Variants in DCLRE1A observed in about 807,000 individuals in gnomAD.
DCLRE1A encodes the protein DNA cross-link repair 1A, also known as DNA cross-link repair 1A protein.
DCLRE1A carries 64 observed loss-of-function variants against 91.9 expected under a neutral mutation model. The ratio of observed to expected loss-of-function variants is 0.70; its 90% CI spans 0.57 to 0.86. The LOEUF is 0.86. DCLRE1A is among the 40% of genes least tolerant of loss of function. The pLI is 0.00. For missense variants in DCLRE1A, 1,145 were observed against 1,213.3 expected (o/e 0.94, Z 0.84); for synonymous variants, 416 against 431.1 (o/e 0.96, Z 0.43).
chr10:113,850,279 G>A lies in DCLRE1A; in HGVS notation c.826C>T (p.Arg276Cys), dbSNP rs775411239. 2.0e-5 allele frequency: 33 copies of A among 1,614,000 alleles called. No individual in the cohort carries two copies. In the African/African-American group the frequency reaches 4.0e-4, roughly 20 times the overall value. ...ENDKLVGVAL[R>C]LANNSEHINL... ...ATGTGTTCTGAGTTGTTTGCAAGAC[G>A]CAAAGCAACTCCCACTAGTTTGTCA... Residue 276 changes from arginine (R) to cysteine (C), a missense_variant, in exon 2 of 9, where the codon CGT becomes TGT. Coordinates refer to ENST00000361384, the MANE Select transcript of DCLRE1A (RefSeq NM_014881.5).
rs780668540 is a variant in DCLRE1A at position 113,850,388 on chromosome 10, C to T, written c.717G>A (p.Pro239=). The change falls in exon 2 of 9, where the codon CCG becomes CCA. Residue 239 remains proline (P), a synonymous_variant. Coordinates refer to ENST00000361384, the MANE Select transcript of DCLRE1A (RefSeq NM_014881.5). ...LLMTQYFKKS[P]SLTEASEKIS... ...TCTTTTCACTGGCTTCAGTCAGAGA[C>T]GGAGACTTTTTAAAATACTGTGTCA... is the stretch of plus-strand genomic sequence containing the variant. 1.8e-5 allele frequency: 29 copies of T among 1,614,078 alleles called. No individual in the cohort carries two copies. Among genetic ancestry groups the T allele is most frequent in the Middle Eastern group, 1.6e-4 (1 of 6,084 alleles).
chr10:113,844,185 G>T lies in DCLRE1A; in HGVS notation c.2438C>A (p.Thr813Lys), dbSNP rs772891563. 1.2e-6 allele frequency: 2 copies of T among 1,614,156 alleles called. No homozygotes were observed. The highest frequency in any genetic ancestry group is 4.5e-5 in the East Asian group (2 of 44,876). ...YLPNGTVILH[T>K]GDFRADPSME... ...GCTGGGATCTGCTCTGAAGTCTCCC[G>T]TGTGTAATATGACAGTACCATTAGG... Residue 813 changes from threonine to lysine, a missense_variant, in exon 5 of 9, where the codon ACG (threonine) becomes AAG (lysine). Thr to Lys is a moderately conservative substitution (Grantham distance 78). Transcript: ENST00000361384.
intron 8 of DCLRE1A, among the ~76,000 whole-genome samples, chr10:113,836,264 C>T (rs140829729): frequency 1.3e-4 from 20 of 152,140 alleles, no homozygotes; most frequent in African/African-American, 4.6e-4. Context: ...TACCTTATTG[C>T]GTGTATACTT....
chr10:113,843,019 T>C (rs1009425065), intron 5 of DCLRE1A, among the ~76,000 whole-genome samples: 7 of 114,660 alleles, frequency 6.1e-5, no homozygotes, highest in Non-Finnish European at 1.2e-4. Context: ...TATATGTACA[T>C]GTGTACACAC....
chr10:113,839,342 A>G (rs1407987747), intron 7 of DCLRE1A, among the ~76,000 whole-genome samples: 2 of 151,482 alleles, frequency 1.3e-5, no homozygotes, highest in South Asian at 2.1e-4. Flanking sequence ...AAAAAAAAAA[A>G]AAAAAAAAGA....
rs1156472274 is a variant in DCLRE1A, at chr10:113,852,872, G to A, written c.311C>T (p.Thr104Ile). The change falls in exon 1 of 9, where the codon ACT (threonine) becomes ATT (isoleucine). Residue 104 changes from threonine (T) to isoleucine (I), a missense_variant. Thr to Ile is a moderately conservative substitution (Grantham distance 89, BLOSUM62 -1). Transcript: ENST00000361384. The stretch of plus-strand genomic sequence containing the variant: ...TGGGGACACGTGTTGGCTTTTTTGA[G>A]TTCTACAGAGTTTTCCTGGAGTAGT... ...KETTPGKLCR[T>I]QKSQHVSPKI... 2 of 1,614,152 alleles carry A rather than the reference G, an allele frequency of 1.2e-6. No individual in the cohort carries two copies. The highest frequency in any genetic ancestry group is 1.3e-5 in the African/African-American group (1 of 75,030).
chr10:113,847,088 A>T, intron 3 of DCLRE1A, 114 bp downstream of exon 3: 1 of 1,079,170 alleles, frequency 9.3e-7, no homozygotes, highest in East Asian at 2.6e-5. Context: ...ATGTTTTCTC[A>T]TTTTTTTTCT....
chr10:113,841,594 C>T, intron 6 of DCLRE1A, 34 bp from the exon 7 acceptor site: 1 of 1,554,594 alleles, frequency 6.4e-7, no homozygotes, highest in Non-Finnish European at 8.6e-7. Context: ...AAATAGTAAA[C>T]TTACAGCTTG....
Position 113,852,901 on chromosome 10 carries a change from CTTGTCTTGGGTCTGCTG to C in DCLRE1A, c.265_281del (p.Gln89GlyfsTer9), listed in dbSNP as rs763746589. The C allele has an allele frequency of 1.5e-5, 24 of 1,613,976 alleles. No homozygotes were observed. The highest frequency in any genetic ancestry group is 3.4e-6 in the Non-Finnish European group (4 of 1,180,016). ...TACAGAGTTTTCCTGGAGTAGTTTC[CTTGTCTTGGGTCTGCTG>C]AATACCATCTCCACAACTTGAATTC... On this transcript the variant is annotated frameshift_variant, in exon 1 of 9. Coordinates refer to ENST00000361384, the MANE Select transcript of DCLRE1A (RefSeq NM_014881.5). LOFTEE classifies it high-confidence loss of function.
At chr10:113,839,766 A>C (rs1040233191) in intron 7 of DCLRE1A, among the ~76,000 whole-genome samples, 3 of 152,118 alleles carry the variant, frequency 2.0e-5, no homozygotes, top group Non-Finnish European at 2.9e-5. Flanking sequence ...AGCTTTTTCT[A>C]TCTCTCATCA....
intron 6 of DCLRE1A, 65 bp downstream of exon 6, chr10:113,842,278 C>A: frequency 7.6e-7 from 1 of 1,320,486 alleles, no homozygotes; most frequent in Admixed American, 2.1e-5. Context: ...ACTGAAAGGG[C>A]ATTATGCAAA....
Position 113,848,983 on chromosome 10 carries a change from G to A in DCLRE1A, c.2122C>T (p.Pro708Ser). The A allele has an allele frequency of 6.2e-7, 1 of 1,609,136 alleles. No homozygotes were observed. The highest frequency in any genetic ancestry group is 2.2e-5 in the East Asian group (1 of 44,838). Residue 708 changes from proline (P) to serine (S), a missense_variant, in exon 2 of 9, where the codon CCT becomes TCT. Transcript: ENST00000361384. ...KKTCPFYKKI[P>S]GTGFTVDAFQ... Reference sequence around the variant, plus strand: ...GAGTATTGACATTTCAACTTACCAGGTATTTTCTTATAGAATGGACATGTC... The same window carrying A: ...GAGTATTGACATTTCAACTTACCAGATATTTTCTTATAGAATGGACATGTC...
chr10:113,835,224 A>T lies in DCLRE1A; in HGVS notation c.3051T>A (p.Asn1017Lys), dbSNP rs1486643959. Residue 1017 changes from asparagine to lysine, a missense_variant, in exon 9 of 9, where the codon AAT (asparagine) becomes AAA (lysine). Physicochemically the swap from Asn to Lys is moderately conservative, Grantham distance 94. Coordinates refer to ENST00000361384, the MANE Select transcript of DCLRE1A (RefSeq NM_014881.5). ...LKPQKIIPTV[N>K]VGTWKSRSTM... is the part of the protein sequence containing the mutation. The stretch of plus-strand genomic sequence containing the variant: ...TGCTCCTAGATTTCCAGGTGCCCAC[A>T]TTTACAGTAGGTATGATTTTCTGGG... The T allele has an allele frequency of 6.2e-7, 1 of 1,614,162 alleles. No homozygotes were observed. Among genetic ancestry groups the T allele is most frequent in the Non-Finnish European group, 8.5e-7 (1 of 1,180,018 alleles).
chr10:113,853,346 A>C lies in DCLRE1A; in HGVS notation c.-164T>G. 1.6e-6 allele frequency: 1 copy of C among 630,544 alleles called. No individual in the cohort carries two copies. 39.1% of individuals were successfully genotyped at this position (630,544 alleles called of 1,614,324 possible). A position where few individuals can be genotyped will look rare whatever the true frequency, so the allele number is the denominator to read the frequency against. On this transcript the variant is annotated 5_prime_UTR_variant, in exon 1 of 9. Coordinates refer to ENST00000361384, the MANE Select transcript of DCLRE1A (RefSeq NM_014881.5). ...AATCTGCAGTGTTGGTAATGAACATATTGGCAAGCTACAAACCTTGTACCT... is the reference window on the plus strand; with the variant it reads ...AATCTGCAGTGTTGGTAATGAACATCTTGGCAAGCTACAAACCTTGTACCT...
chr10:113,841,621 C>A (rs1339620677), intron 6 of DCLRE1A, 61 bp from the exon 7 acceptor site: 13 of 1,500,482 alleles, frequency 8.7e-6, no homozygotes, highest in Non-Finnish European at 1.1e-5. Context: ...AAAGTTACAG[C>A]TTAAGCAAAT....
intron 2 of DCLRE1A, among the ~76,000 whole-genome samples, chr10:113,847,809 G>C (rs528238366): frequency 8.6e-5 from 13 of 151,036 alleles, no homozygotes; most frequent in Non-Finnish European, 1.9e-4. Context: ...CTGCACAGTC[G>C]AACTAGAGGA....
At chr10:113,842,985 C>G (rs895961916) in intron 5 of DCLRE1A, among the ~76,000 whole-genome samples, 1 of 150,768 alleles carries the variant, frequency 6.6e-6, no homozygotes, top group African/African-American at 2.4e-5. Context: ...CTTACAGATA[C>G]AAAATATATA....
chr10:113,849,021 C>G lies in DCLRE1A; in HGVS notation c.2084G>C (p.Gly695Ala). Residue 695 changes from glycine to alanine, a missense_variant, in exon 2 of 9, where the codon GGA becomes GCA. Coordinates refer to ENST00000361384, the MANE Select transcript of DCLRE1A (RefSeq NM_014881.5). Reference sequence around the variant, plus strand: ...GAATGGACATGTCTTTTTTCTTGATCCTCCTACATTAGATGACTCTGGGAT... The same window carrying G: ...GAATGGACATGTCTTTTTTCTTGATGCTCCTACATTAGATGACTCTGGGAT... ...KKIPESSNVG[G>A]SRKKTCPFYK... is the part of the protein sequence containing the mutation. 1 of 1,611,182 alleles carries G rather than the reference C, an allele frequency of 6.2e-7. No individual in the cohort carries two copies. The highest frequency in any genetic ancestry group is 8.5e-7 in the Non-Finnish European group (1 of 1,179,254).
At chr10:113,852,332 T>C (rs1845665010) in intron 1 of DCLRE1A, among the ~76,000 whole-genome samples, 1 of 152,140 alleles carries the variant, frequency 6.6e-6, no homozygotes, top group Non-Finnish European at 1.5e-5. Context: ...AGAGACTCCG[T>C]CTCAAAAAAA....
Sources: gnomAD v4.1 joint callset for allele counts (sites outside exome capture counted in the v4.1 genomes callset) on GRCh38, gnomAD v4.1.1 for gene constraint, MANE v1.5 for transcripts, NCBI Gene and HGNC (gene_info 2026-07-23, HGNC 2026-07-21) for gene names.